Variants in NRG3 observed in about 807,000 individuals in gnomAD.
NRG3 encodes neuregulin 3, also known as pro-neuregulin-3, membrane-bound isoform.
A neutral mutation model predicts 66.9 loss-of-function variants in NRG3; 31 were observed. The observed-to-expected ratio is 0.46, with a 90% CI of 0.35 to 0.63. The LOEUF (loss-of-function observed/expected upper bound fraction) is 0.63, where lower values mean the gene tolerates loss of function less well. Among genes scored for constraint, NRG3 ranks in the 20% least tolerant of loss-of-function variants. NRG3 has a pLI of 0.00. For synonymous variants in NRG3, 393 were observed against 359.4 expected, an observed-to-expected ratio of 1.09 and a Z score of -1.06; for missense variants, 910 against 878.9, an observed-to-expected ratio of 1.04 and a Z score of -0.45.
intron 1 of NRG3, among the ~76,000 whole-genome samples, chr10:82,212,651 G>A (rs1422463576): frequency 6.6e-6 from 1 of 152,122 alleles, no homozygotes; most frequent in Non-Finnish European, 1.5e-5. Flanking sequence ...TGGGCATGTA[G>A]GCATGTCACT....
intron 2 of NRG3, among the ~76,000 whole-genome samples, chr10:82,421,104 G>C (rs1053313959): frequency 3.3e-5 from 5 of 152,014 alleles, no homozygotes; most frequent in Admixed American, 6.6e-5. Flanking sequence ...TCATACAACT[G>C]TATAGCAATA....
intron 2 of NRG3, among the ~76,000 whole-genome samples, chr10:82,685,135 AG>A (rs751909001): frequency 3.4e-5 from 5 of 146,968 alleles, no homozygotes; most frequent in Admixed American, 1.3e-4. Context: ...GAATAGACAG[AG>A]GCCCCCCCCA....
intron 3 of NRG3, among the ~76,000 whole-genome samples, chr10:82,850,662 G>C (rs1460769278): frequency 6.7e-6 from 1 of 150,110 alleles, no homozygotes; most frequent in Admixed American, 6.7e-5. Context: ...TAAATATTTT[G>C]TTTAGTTGCC....
intron 2 of NRG3, among the ~76,000 whole-genome samples, chr10:82,499,862 C>T (rs1843989096): frequency 6.6e-6 from 1 of 152,124 alleles, no homozygotes; most frequent in African/African-American, 2.4e-5. Context: ...CAGGCTAAGC[C>T]TCAGCTTGAA....
At chr10:82,964,966 A>G (rs745778296) in intron 6 of NRG3, among the ~76,000 whole-genome samples, 3 of 152,230 alleles carry the variant, frequency 2.0e-5, no homozygotes, top group Non-Finnish European at 2.9e-5. Flanking sequence ...ACAATGTGCT[A>G]GGAGCAAAGC....
intron 4 of NRG3, among the ~76,000 whole-genome samples, chr10:82,877,562 G>GTTTTTTTT (rs1841946723): frequency 9.1e-6 from 1 of 109,302 alleles, no homozygotes; most frequent in Non-Finnish European, 1.7e-5. Flanking sequence ...TTTTTTTTTG[G>GTTTTTTTT]ATTTTTAGTG....
intron 1 of NRG3, among the ~76,000 whole-genome samples, chr10:82,045,872 G>C (rs1159454266): frequency 4.0e-5 from 6 of 148,180 alleles, no homozygotes; most frequent in African/African-American, 1.5e-4. Flanking sequence ...AAGATCAGAT[G>C]GTTGTAGATA....
At chr10:82,598,057 G>A (rs1389654042) in intron 2 of NRG3, among the ~76,000 whole-genome samples, 1 of 152,230 alleles carries the variant, frequency 6.6e-6, no homozygotes, top group East Asian at 1.9e-4. Flanking sequence ...GAGCTCTGCT[G>A]TGTTGCTACA....
chr10:82,820,017 G>C (rs994258376), intron 3 of NRG3, among the ~76,000 whole-genome samples: 2 of 152,166 alleles, frequency 1.3e-5, no homozygotes, highest in African/African-American at 4.8e-5. Flanking sequence ...GAACACAGAT[G>C]GGTCCGGAAA....
intron 2 of NRG3, among the ~76,000 whole-genome samples, chr10:82,435,453 C>A (rs186691289): frequency 2.0e-5 from 3 of 152,068 alleles, no homozygotes; most frequent in Non-Finnish European, 4.4e-5. Context: ...TCCTTCAGTT[C>A]TTCTCTGATC....
At chr10:82,922,496 G>T (rs986442033) in intron 4 of NRG3, among the ~76,000 whole-genome samples, 2 of 152,184 alleles carry the variant, frequency 1.3e-5, no homozygotes, top group African/African-American at 4.8e-5. Flanking sequence ...TGTTTCACCT[G>T]TGAATGAGTT....
At chr10:82,937,822 G>A (rs1245183160) in intron 4 of NRG3, among the ~76,000 whole-genome samples, 1 of 152,142 alleles carries the variant, frequency 6.6e-6, no homozygotes, top group Non-Finnish European at 1.5e-5. Flanking sequence ...AATTCACTAT[G>A]TACAGAGAAA....
chr10:82,269,807 T>A (rs2078496866), intron 1 of NRG3, among the ~76,000 whole-genome samples: 1 of 152,092 alleles, frequency 6.6e-6, no homozygotes, highest in Non-Finnish European at 1.5e-5. Flanking sequence ...ATTTCATTTC[T>A]AACAAGGTCC....
intron 1 of NRG3, among the ~76,000 whole-genome samples, chr10:82,045,998 G>T (rs2063275464): frequency 6.7e-6 from 1 of 149,054 alleles, no homozygotes; most frequent in Non-Finnish European, 1.5e-5. Flanking sequence ...AAGTCAGGTA[G>T]CGTGATGCCT....
chr10:82,320,984 G>A (rs763045999), intron 1 of NRG3, among the ~76,000 whole-genome samples: 2 of 152,126 alleles, frequency 1.3e-5, no homozygotes, highest in Non-Finnish European at 2.9e-5. Flanking sequence ...AAAATCCCCC[G>A]CATTTACCAT....
intron 1 of NRG3, among the ~76,000 whole-genome samples, chr10:82,230,852 G>A (rs2076420158): frequency 1.3e-5 from 2 of 151,886 alleles, no homozygotes; most frequent in African/African-American, 4.8e-5. Context: ...ATAGCTGAAG[G>A]CAAAAAAATG....
chr10:82,709,371 T>G (rs200362638), intron 2 of NRG3, among the ~76,000 whole-genome samples: 1,077 of 90,410 alleles, frequency 0.012, 9 homozygotes, highest in African/African-American at 0.04. Flanking sequence ...TTTTTGTTTT[T>G]GTTTTTTGTT....
At chr10:82,799,499 C>G (rs1565327873) in intron 3 of NRG3, among the ~76,000 whole-genome samples, 1 of 138,186 alleles carries the variant, frequency 7.2e-6, no homozygotes. Context: ...GCACTCCAGC[C>G]TGGGTGACAA....
chr10:82,465,540 C>A (rs1840590355), intron 2 of NRG3, among the ~76,000 whole-genome samples: 1 of 152,206 alleles, frequency 6.6e-6, no homozygotes, highest in Non-Finnish European at 1.5e-5. Flanking sequence ...ACCTGGGTTA[C>A]TAGAGCTGAA....
Sources: allele counts gnomAD v4.1 joint callset (sites outside exome capture counted in the v4.1 genomes callset), GRCh38; gene constraint gnomAD v4.1.1; transcripts MANE v1.5; gene names NCBI Gene and HGNC (gene_info 2026-07-23, HGNC 2026-07-21).